Variants in RSBN1 observed in about 807,000 individuals in gnomAD.
RSBN1 encodes lysine-specific demethylase 9.
Under a neutral mutation model 74.8 loss-of-function variants are expected in RSBN1, and 23 were observed. The ratio of observed to expected loss-of-function variants is 0.31; its 90% confidence interval spans 0.22 to 0.44. RSBN1 has a LOEUF of 0.44. Ranked by LOEUF, RSBN1 falls within the 20% of genes least tolerant of loss-of-function variation. The pLI is 1.00. For synonymous variants in RSBN1, 407 were observed against 379.6 expected (o/e 1.07, Z -0.84); for missense variants, 808 against 1,020.9 (o/e 0.79, Z 2.84).
intron 1 of RSBN1, among the ~76,000 whole-genome samples, chr1:113,808,821 G>T (rs191154472): frequency 6.6e-6 from 1 of 152,286 alleles, no homozygotes; most frequent in Non-Finnish European, 1.5e-5. Context: ...AGTGCCTAAG[G>T]CTGTAAAGGG....
At chr1:113,798,177 T>C in intron 1 of RSBN1, 141 bp from the exon 2 acceptor site, 1 of 676,200 alleles carries the variant, frequency 1.5e-6, no homozygotes, top group African/African-American at 1.8e-5. Flanking sequence ...AGAAAACAAA[T>C]GAGACAGAGA....
chr1:113,793,848 G>T (rs1660418344), intron 2 of RSBN1, among the ~76,000 whole-genome samples: 1 of 152,050 alleles, frequency 6.6e-6, no homozygotes, highest in African/African-American at 2.4e-5. Context: ...TGAATTTTTA[G>T]TAGACATGGG....
chr1:113,770,674 T>TATAA (rs1659870371), intron 4 of RSBN1, among the ~76,000 whole-genome samples: 1 of 152,122 alleles, frequency 6.6e-6, no homozygotes, highest in Non-Finnish European at 1.5e-5. Flanking sequence ...CTCACCAAAA[T>TATAA]ATAAATAGAA....
rs532175449 is a variant in RSBN1, at chr1:113,771,709, A to T, written c.1659-3320T>A. On this transcript the variant is annotated intron_variant, in intron 4 of 6. Coordinates refer to ENST00000261441, the MANE Select transcript of RSBN1 (RefSeq NM_018364.5). ...AGTAATGTACCTTAACTCTAACCCTATAAGCAGTAAGGAGAATGGAAGCAA... is the reference window on the plus strand; with the variant it reads ...AGTAATGTACCTTAACTCTAACCCTTTAAGCAGTAAGGAGAATGGAAGCAA... Among the ~76,000 whole-genome samples, 3 of 151,644 alleles carry T rather than the reference A, an allele frequency of 2.0e-5. No individual in the cohort carries two copies. The South Asian group carries it at 6.2e-4, about 32-fold the overall frequency.
Position 113,797,515 on chromosome 1 carries a change from A to T in RSBN1, c.1225T>A (p.Tyr409Asn). The T allele has an allele frequency of 6.2e-7, 1 of 1,613,920 alleles. No individual in the cohort carries two copies. Among genetic ancestry groups the T allele is most frequent in the Non-Finnish European group, 8.5e-7 (1 of 1,179,932 alleles). Residue 409 changes from tyrosine (Y) to asparagine (N), a missense_variant, in exon 2 of 7, where the codon TAC becomes AAC. Physicochemically the swap from Tyr to Asn is moderately radical, Grantham distance 143. Coordinates refer to ENST00000261441, the MANE Select transcript of RSBN1 (RefSeq NM_018364.5). ...CCATGCACTATTGCTAAAGCATAGT[A>T]AGCAGCATTTTTCTCATTTTCACTG... ...TFSENEKNAAYYALAIVHGAA... is the reference protein window; with the variant it reads ...TFSENEKNAANYALAIVHGAA...
chr1:113,812,096 T>C lies in RSBN1; in HGVS notation c.317A>G (p.Glu106Gly). The C allele has an allele frequency of 6.3e-7, 1 of 1,596,080 alleles. No homozygotes were observed. The highest frequency in any genetic ancestry group is 8.5e-7 in the Non-Finnish European group (1 of 1,172,394). The change falls in exon 1 of 7, where the codon GAG (glutamate) becomes GGG (glycine). Residue 106 changes from glutamate to glycine, a missense_variant. Physicochemically the swap from Glu to Gly is moderately conservative, Grantham distance 98. Around this residue, in one of 6 missense-constraint regions of RSBN1, gnomAD observed 464 missense variants for 401.0 expected, o/e 1.16. Coordinates refer to ENST00000261441, the MANE Select transcript of RSBN1 (RefSeq NM_018364.5). ...CCGGTGAGGGGGAGCGAGAGGGGGCTCCTGGCTCGGCCGCCCCCGCTTCTC... is the reference window on the plus strand; with the variant it reads ...CCGGTGAGGGGGAGCGAGAGGGGGCCCCTGGCTCGGCCGCCCCCGCTTCTC... ...SQEKRGRPSQ[E>G]PPLAPPHRRR...
Position 113,765,788 on chromosome 1 carries a change from G to A in RSBN1, c.*192C>T, listed in dbSNP as rs963629859. On this transcript the variant is annotated 3_prime_UTR_variant, in exon 7 of 7. Transcript: ENST00000261441. The stretch of plus-strand genomic sequence containing the variant: ...ACCCACTATTACATACTGTACTAAC[G>A]GGATAAGATACAACTCTTAACTTTG... 2.4e-5 allele frequency: 14 copies of A among 580,362 alleles called. No individual in the cohort carries two copies. The highest frequency in any genetic ancestry group is 5.7e-5 in the East Asian group (2 of 35,202). 36.0% of individuals were successfully genotyped at this position (580,362 alleles called of 1,614,324 possible). A position where few individuals can be genotyped will look rare whatever the true frequency, so the allele number is the denominator to read the frequency against.
At chr1:113,807,800 TACACACAC>T (rs59928174) in intron 1 of RSBN1, among the ~76,000 whole-genome samples, 2 of 144,606 alleles carry the variant, frequency 1.4e-5, no homozygotes, top group African/African-American at 5.1e-5. Context: ...TGTATATGTA[TACACACAC>T]ACACACACAC....
chr1:113,800,429 T>C (rs1270762159), intron 1 of RSBN1, among the ~76,000 whole-genome samples: 2 of 152,080 alleles, frequency 1.3e-5, no homozygotes, highest in Non-Finnish European at 2.9e-5. Context: ...TCTAAATACT[T>C]TCCCCAATAT....
chr1:113,789,040 C>T (rs1292508160), intron 2 of RSBN1, among the ~76,000 whole-genome samples: 1 of 152,120 alleles, frequency 6.6e-6, no homozygotes, highest in African/African-American at 2.4e-5. Context: ...GGTAGGGCTC[C>T]TAAACTCCTT....
chr1:113,777,096 T>C (rs1660048132), intron 4 of RSBN1, 114 bp downstream of exon 4: 1 of 916,110 alleles, frequency 1.1e-6, no homozygotes, highest in Non-Finnish European at 1.6e-6. Flanking sequence ...AACCGACAAC[T>C]AAAACATTTA....
At chr1:113,791,071 AG>A (rs1046973448) in intron 2 of RSBN1, among the ~76,000 whole-genome samples, 1 of 152,144 alleles carries the variant, frequency 6.6e-6, no homozygotes, top group Non-Finnish European at 1.5e-5. Flanking sequence ...CAGAATTGGG[AG>A]GACTGGAGGG....
At chr1:113,776,705 C>T (rs1202780813) in intron 4 of RSBN1, among the ~76,000 whole-genome samples, 1 of 150,746 alleles carries the variant, frequency 6.6e-6, no homozygotes, top group Non-Finnish European at 1.5e-5. Flanking sequence ...CACCTATAGC[C>T]ACAGTTACTT....
chr1:113,780,976 CCTT>C (rs1231521911), intron 2 of RSBN1, among the ~76,000 whole-genome samples: 1 of 152,134 alleles, frequency 6.6e-6, no homozygotes, highest in Non-Finnish European at 1.5e-5. Flanking sequence ...TCAGTCCCCT[CCTT>C]CTTTCAGCTG....
chr1:113,807,414 G>C (rs1232569987), intron 1 of RSBN1, among the ~76,000 whole-genome samples: 3 of 150,412 alleles, frequency 2.0e-5, no homozygotes, highest in African/African-American at 7.3e-5. Flanking sequence ...ACCATACAAA[G>C]AAGCTGCACC....
At chr1:113,783,917 G>C (rs1660189724) in intron 2 of RSBN1, among the ~76,000 whole-genome samples, 1 of 152,122 alleles carries the variant, frequency 6.6e-6, no homozygotes, top group Non-Finnish European at 1.5e-5. Context: ...CATTGTTATG[G>C]TTTTTTAGCC....
At chr1:113,804,593 TTGGAA>T (rs1188437713) in intron 1 of RSBN1, among the ~76,000 whole-genome samples, 6 of 152,202 alleles carry the variant, frequency 3.9e-5, no homozygotes, top group Non-Finnish European at 7.3e-5. Context: ...CTGAGGTAGC[TTGGAA>T]TAAAGGGAGT....
chr1:113,789,152 G>A (rs761988122), intron 2 of RSBN1, among the ~76,000 whole-genome samples: 1 of 152,168 alleles, frequency 6.6e-6, no homozygotes, highest in African/African-American at 2.4e-5. Context: ...AGGGTTGGAC[G>A]GTCAGCCCTA....
Position 113,812,354 on chromosome 1 carries a change from C to A in RSBN1, c.59G>T (p.Cys20Phe). 6.2e-7 allele frequency: 1 copy of A among 1,603,602 alleles called. No homozygotes were observed. The change falls in exon 1 of 7, where the codon TGC (cysteine) becomes TTC (phenylalanine). Residue 20 changes from cysteine to phenylalanine, a missense_variant. Cys to Phe is a radical substitution (Grantham distance 205). Transcript: ENST00000261441. ...CGCCGCCCGCGCACTGCCCGCTGGGCATTGGAGTCTCTCCTCCGCCCTCCA... is the reference window on the plus strand; with the variant it reads ...CGCCGCCCGCGCACTGCCCGCTGGGAATTGGAGTCTCTCCTCCGCCCTCCA... ...DKWRAEERLQ[C>F]PAGSARAALA...
Sources: allele counts gnomAD v4.1 joint callset (sites outside exome capture counted in the v4.1 genomes callset), GRCh38; gene constraint gnomAD v4.1.1; regional missense constraint gnomAD v4.1.1; transcripts MANE v1.5; gene names NCBI Gene and HGNC (gene_info 2026-07-23, HGNC 2026-07-21).